INSC: variants seen among roughly 807,000 people sequenced by gnomAD.
INSC encodes the protein protein inscuteable homolog.
Under a neutral mutation model 58.6 loss-of-function variants are expected in INSC, and 67 were observed. The observed-to-expected ratio is 1.14, with a 90% CI of 0.94 to 1.40. The LOEUF is 1.40. INSC is among the 40% of genes most tolerant of loss of function. The pLI is 0.00. For synonymous variants in INSC, 262 were observed against 276.1 expected (o/e 0.95, Z 0.51); for missense variants, 714 against 692.0 (o/e 1.03, Z -0.36).
At chr11:15,133,256 C>A (rs117663514) in intron 1 of INSC, among the ~76,000 whole-genome samples, 1,777 of 152,176 alleles carry the variant, frequency 0.012, 21 homozygotes, top group Non-Finnish European at 0.021. Flanking sequence ...TTTTAGTATA[C>A]CCATCCATTT....
intron 1 of INSC, 59 bp downstream of exon 1, chr11:15,115,062 G>T (rs946003371): frequency 2.1e-6 from 2 of 955,090 alleles, no homozygotes; most frequent in African/African-American, 3.5e-5. Context: ...TGCTAGCCTA[G>T]TTGGGAACAG....
At chr11:15,265,964 G>A in the INSC span, among the ~76,000 whole-genome samples, 1 of 150,224 alleles carries the variant, frequency 6.7e-6, no homozygotes, top group African/African-American at 2.4e-5. Flanking sequence ...CAAGAGTCTT[G>A]TGGTTCTCTC....
intron 1 of INSC, among the ~76,000 whole-genome samples, chr11:15,116,775 T>C (rs1343364113): frequency 6.6e-6 from 1 of 151,102 alleles, no homozygotes; most frequent in African/African-American, 2.4e-5. Context: ...TCTTTCTTTT[T>C]TTCTTCCTTC....
chr11:15,161,324 C>CA (rs1203755073), intron 2 of INSC, among the ~76,000 whole-genome samples: 1 of 152,050 alleles, frequency 6.6e-6, no homozygotes, highest in Non-Finnish European at 1.5e-5. Flanking sequence ...GTTTGATTAA[C>CA]AAAAAATGAT....
At position 15,239,016 on chromosome 11, in the gene INSC, G is replaced by A. The variant is rs1852238162; in HGVS notation, c.1335G>A (p.Val445=). ...AGCGAGTCCAGCAGAAAGCTGCAGT[G>A]ACCCTGGCTCGTCTCAGCCGAGACC... ...ACERVQQKAA[V]TLARLSRDPD... The change falls in exon 11 of 13, where the codon GTG becomes GTA. Residue 445 remains valine (V), a synonymous_variant. Coordinates refer to ENST00000379556, the MANE Select transcript of INSC (RefSeq NM_001042536.3). The A allele has an allele frequency of 1.2e-6, 2 of 1,614,188 alleles. No individual in the cohort carries two copies. Among genetic ancestry groups the A allele is most frequent in the South Asian group, 2.2e-5 (2 of 91,078 alleles).
chr11:15,153,391 A>T (rs1848711690), intron 2 of INSC, among the ~76,000 whole-genome samples: 1 of 152,200 alleles, frequency 6.6e-6, no homozygotes, highest in African/African-American at 2.4e-5. Context: ...AGCTTCCCTG[A>T]GCCAGTGGGG....
intron 2 of INSC, among the ~76,000 whole-genome samples, chr11:15,151,315 C>T (rs1483985271): frequency 5.3e-5 from 8 of 152,180 alleles, no homozygotes; most frequent in South Asian, 2.1e-4. Flanking sequence ...AGCCTCCCTG[C>T]ATGGAAAAAT....
intron 1 of INSC, among the ~76,000 whole-genome samples, chr11:15,125,457 A>C (rs1158795477): frequency 2.0e-5 from 3 of 152,204 alleles, no homozygotes; most frequent in Non-Finnish European, 2.9e-5. Flanking sequence ...GTAGATTGTT[A>C]CTGGGAGGAG....
intron 7 of INSC, among the ~76,000 whole-genome samples, chr11:15,202,489 T>TGA (rs201546240): frequency 1.3e-5 from 2 of 151,974 alleles, no homozygotes; most frequent in African/African-American, 4.8e-5. Flanking sequence ...GAGAGGATGG[T>TGA]GAGAGAGAGA....
chr11:15,215,421 A>G (rs534306886), intron 7 of INSC, among the ~76,000 whole-genome samples: 31 of 152,312 alleles, frequency 2.0e-4, no homozygotes, highest in African/African-American at 6.7e-4. Context: ...TGGGCCCATC[A>G]TGGGAACTAA....
chr11:15,178,555 T>C (rs1849654924), intron 5 of INSC, 108 bp downstream of exon 5: 4 of 1,313,534 alleles, frequency 3.0e-6, no homozygotes, highest in Non-Finnish European at 3.1e-6. Flanking sequence ...GTGGACTTTA[T>C]TGGGAAACAT....
the INSC span, among the ~76,000 whole-genome samples, chr11:15,259,243 C>T: frequency 6.6e-6 from 1 of 152,090 alleles, no homozygotes; most frequent in Non-Finnish European, 1.5e-5. Context: ...CTATCAAAAG[C>T]TCTAGCAGTC....
the INSC span, among the ~76,000 whole-genome samples, chr11:15,260,827 C>A: frequency 1.3e-5 from 2 of 152,092 alleles, no homozygotes; most frequent in African/African-American, 2.4e-5. Context: ...GAGGTAAGGG[C>A]AAGCTGCTCT....
At chr11:15,260,348 A>G in the INSC span, among the ~76,000 whole-genome samples, 1 of 152,144 alleles carries the variant, frequency 6.6e-6, no homozygotes, top group East Asian at 1.9e-4. Context: ...TTACGATGAA[A>G]TGTAATGATC....
intron 7 of INSC, among the ~76,000 whole-genome samples, chr11:15,205,730 C>T (rs1271690211): frequency 6.6e-6 from 1 of 152,130 alleles, no homozygotes; most frequent in African/African-American, 2.4e-5. Flanking sequence ...AACTGAGACT[C>T]CGAGACAGTG....
intron 5 of INSC, among the ~76,000 whole-genome samples, chr11:15,181,885 A>C (rs1288868637): frequency 6.6e-6 from 1 of 152,200 alleles, no homozygotes; most frequent in Non-Finnish European, 1.5e-5. Flanking sequence ...TATAATAGGA[A>C]GCAAATTTCA....
chr11:15,263,894 C>G, the INSC span, among the ~76,000 whole-genome samples: 1 of 151,732 alleles, frequency 6.6e-6, no homozygotes, highest in Non-Finnish European at 1.5e-5. Context: ...GGAGGCCTCT[C>G]TCTGGTCCTC....
At chr11:15,229,960 T>TAA (rs1491089037) in intron 9 of INSC, among the ~76,000 whole-genome samples, 1 of 25,112 alleles carries the variant, frequency 4.0e-5, no homozygotes. Flanking sequence ...ATATATATAT[T>TAA]TATATATATA....
chr11:15,183,351 CAAAAA>C (rs66894801), intron 5 of INSC, among the ~76,000 whole-genome samples: 1 of 80,752 alleles, frequency 1.2e-5, no homozygotes, highest in African/African-American at 4.4e-5. Flanking sequence ...AACTCCATCT[CAAAAA>C]AAAAAAAAAA....
Sources: gnomAD v4.1 joint callset for allele counts (sites outside exome capture counted in the v4.1 genomes callset) on GRCh38, gnomAD v4.1.1 for gene constraint, MANE v1.5 for transcripts, NCBI Gene and HGNC (gene_info 2026-07-23, HGNC 2026-07-21) for gene names.